EYA4: variants seen among roughly 807,000 people sequenced by gnomAD.
EYA4 encodes the protein protein phosphatase EYA4.
A neutral mutation model predicts 87.9 loss-of-function variants in EYA4; 31 were observed. The ratio of observed to expected loss-of-function variants is 0.35; its 90% confidence interval spans 0.27 to 0.48. EYA4 has a LOEUF of 0.48. Among genes scored for constraint, EYA4 ranks in the 20% least tolerant of loss-of-function variants. The pLI is 0.99. For synonymous variants in EYA4, 263 were observed against 270.6 expected (o/e 0.97, Z 0.28); for missense variants, 678 against 761.4 (o/e 0.89, Z 1.29).
intron 10 of EYA4, among the ~76,000 whole-genome samples, chr6:133,468,238 T>C (rs1411418146): frequency 1.3e-5 from 2 of 152,066 alleles, no homozygotes; most frequent in Non-Finnish European, 2.9e-5. Context: ...CATCTCCTTC[T>C]TTCCTCTTCA....
At chr6:133,253,442 G>A (rs565428680) in intron 1 of EYA4, among the ~76,000 whole-genome samples, 1 of 152,210 alleles carries the variant, frequency 6.6e-6, no homozygotes, top group South Asian at 2.1e-4. Flanking sequence ...ACCCCACAGA[G>A]TATTCAAGTC....
intron 2 of EYA4, among the ~76,000 whole-genome samples, chr6:133,371,328 G>A (rs1484314166): frequency 2.0e-5 from 3 of 152,120 alleles, no homozygotes; most frequent in African/African-American, 7.2e-5. Flanking sequence ...TTGGTTTACG[G>A]GGTCTACTGA....
chr6:133,273,215 A>C (rs1291082926), intron 1 of EYA4, among the ~76,000 whole-genome samples: 1 of 151,760 alleles, frequency 6.6e-6, no homozygotes, highest in Non-Finnish European at 1.5e-5. Context: ...GATTCCCCAA[A>C]CTGAAGCACT....
At chr6:133,295,460 A>G (rs1036213239) in intron 2 of EYA4, among the ~76,000 whole-genome samples, 5 of 152,340 alleles carry the variant, frequency 3.3e-5, no homozygotes, top group African/African-American at 1.2e-4. Flanking sequence ...AGGGAGATAG[A>G]GTAGGAAGTT....
chr6:133,467,583 A>G (rs1263126362), intron 10 of EYA4, among the ~76,000 whole-genome samples: 1 of 152,130 alleles, frequency 6.6e-6, no homozygotes, highest in Non-Finnish European at 1.5e-5. Context: ...TCAGACTAAT[A>G]GAATTTTAGT....
chr6:133,393,566 G>A (rs1484676173), intron 3 of EYA4, among the ~76,000 whole-genome samples: 11 of 152,164 alleles, frequency 7.2e-5, no homozygotes, highest in Admixed American at 6.5e-4. Flanking sequence ...AGCCTGCGTG[G>A]CATGTTCAGG....
rs547241666 is a variant in EYA4 at position 133,464,374 on chromosome 6, C to A, written c.725-405C>A. Among the ~76,000 whole-genome samples the A allele has an allele frequency of 2.0e-5, 3 of 152,238 alleles. No homozygotes were observed. In the South Asian group the frequency reaches 6.2e-4, roughly 32 times the overall value. ...GTATGTTTATTTCCCACGCTAAAAA[C>A]CCTGTACAAATGTTGAACTCAAGTG... On this transcript the variant is annotated intron_variant, in intron 9 of 19. Transcript: ENST00000355286.
chr6:133,495,453 T>C (rs199654987), intron 13 of EYA4, among the ~76,000 whole-genome samples: 49 of 67,634 alleles, frequency 7.2e-4, no homozygotes, highest in Non-Finnish European at 1.5e-3. Context: ...AAGAAATATA[T>C]TCATTTATTT....
At chr6:133,447,080 A>T (rs1424697698) in intron 4 of EYA4, among the ~76,000 whole-genome samples, 1 of 152,226 alleles carries the variant, frequency 6.6e-6, no homozygotes, top group Non-Finnish European at 1.5e-5. Context: ...CCCTGGTATT[A>T]GCAAAAATGT....
In EYA4 at chr6:133,410,128, A is replaced by G. The variant is rs574514068; in HGVS notation, c.83+27687A>G. ...GTTTAGATAGAGATAATATATAGAT[A>G]TATAGTCAGATTCTGACCATGTCCT... On this transcript the variant is annotated intron_variant, in intron 3 of 19. Coordinates refer to ENST00000355286, the MANE Select transcript of EYA4 (RefSeq NM_004100.5). Among the ~76,000 whole-genome samples, 11 of 152,270 alleles carry G rather than the reference A, an allele frequency of 7.2e-5. No individual in the cohort carries two copies. In the South Asian group the frequency reaches 2.3e-3, roughly 32 times the overall value.
intron 2 of EYA4, among the ~76,000 whole-genome samples, chr6:133,313,216 T>C (rs970131437): frequency 7.9e-5 from 12 of 152,172 alleles, no homozygotes; most frequent in Non-Finnish European, 7.3e-5. Context: ...AGATGCTCCC[T>C]TTTATTTTGG....
intron 2 of EYA4, among the ~76,000 whole-genome samples, chr6:133,294,193 A>G (rs9375954): frequency 0.21 from 32,119 of 149,582 alleles, 3,821 homozygotes; most frequent in East Asian, 0.42. Context: ...TTCCCTGGCA[A>G]ACTATTCACA....
intron 2 of EYA4, among the ~76,000 whole-genome samples, chr6:133,328,004 G>A (rs1279589935): frequency 1.3e-5 from 2 of 152,178 alleles, no homozygotes; most frequent in Non-Finnish European, 2.9e-5. Context: ...CATAACCAGT[G>A]TAATTCTCTG....
At chr6:133,359,002 C>T (rs9493608) in intron 2 of EYA4, among the ~76,000 whole-genome samples, 3,256 of 151,762 alleles carry the variant, frequency 0.021, 116 homozygotes, top group African/African-American at 0.074. Flanking sequence ...GTACTGGAAA[C>T]GAGGAAAAGA....
chr6:133,357,586 A>T (rs1300377371), intron 2 of EYA4, among the ~76,000 whole-genome samples: 1 of 152,180 alleles, frequency 6.6e-6, no homozygotes, highest in Non-Finnish European at 1.5e-5. Context: ...TTTCACATAA[A>T]TCCAAACACT....
intron 5 of EYA4, among the ~76,000 whole-genome samples, chr6:133,453,360 G>T (rs212768): frequency 0.38 from 57,995 of 151,710 alleles, 14,148 homozygotes; most frequent in Non-Finnish European, 0.55. Context: ...TGAAAATAAC[G>T]TTGTTTTCCA....
At chr6:133,280,941 G>T (rs1777573223) in intron 2 of EYA4, among the ~76,000 whole-genome samples, 1 of 152,062 alleles carries the variant, frequency 6.6e-6, no homozygotes, top group South Asian at 2.1e-4. Context: ...TGCCTATTCT[G>T]GACCTTTCAT....
At chr6:133,335,428 C>T (rs1389042739) in intron 2 of EYA4, among the ~76,000 whole-genome samples, 1 of 152,136 alleles carries the variant, frequency 6.6e-6, no homozygotes, top group Non-Finnish European at 1.5e-5. Context: ...ATTGAGGATC[C>T]TACTAAATGC....
In EYA4 at chr6:133,483,074, C is replaced by T. The variant is rs1212042572; in HGVS notation, c.1150C>T (p.His384Tyr). ...TTTGGATGAAACCATCATTGTTTTT[C>T]ACTCACTGCTCACCGGGTCTTATGC... ...WDLDETIIVF[H>Y]SLLTGSYAQK... The change falls in exon 13 of 20, where the codon CAC becomes TAC. Residue 384 changes from histidine to tyrosine, a missense_variant. Transcript: ENST00000355286. 1.9e-6 allele frequency: 3 copies of T among 1,613,128 alleles called. No homozygotes were observed. Among genetic ancestry groups the T allele is most frequent in the Non-Finnish European group, 2.5e-6 (3 of 1,179,514 alleles).
Sources: gnomAD v4.1 joint callset for allele counts (sites outside exome capture counted in the v4.1 genomes callset) on GRCh38, gnomAD v4.1.1 for gene constraint, MANE v1.5 for transcripts, NCBI Gene and HGNC (gene_info 2026-07-23, HGNC 2026-07-21) for gene names.